The following XKR6 variants were observed in gnomAD, a reference collection of about 807,000 sequenced individuals.
XKR6 encodes the protein XK related 6, also known as XK-related protein 6.
In XKR6, 22 loss-of-function variants were observed where a neutral mutation model predicts 56.7. The ratio of observed to expected loss-of-function variants is 0.39; its 90% CI spans 0.28 to 0.55. The LOEUF is 0.55. XKR6 is among the 20% of genes least tolerant of loss of function. The pLI, the probability that XKR6 is intolerant of heterozygous loss-of-function variation, is 0.66. For synonymous variants in XKR6, 524 were observed against 387.8 expected (o/e 1.35, Z -4.13); for missense variants, 852 against 889.0 (o/e 0.96, Z 0.53).
intron 1 of XKR6, among the ~76,000 whole-genome samples, chr8:11,138,904 G>T (rs187743771): frequency 4.4e-4 from 66 of 149,026 alleles, no homozygotes; most frequent in African/African-American, 1.6e-3. Flanking sequence ...AGTTATCTGG[G>T]CCATTTCACC....
chr8:10,914,286 T>C, intron 2 of XKR6, among the ~76,000 whole-genome samples: 1 of 152,126 alleles, frequency 6.6e-6, no homozygotes, highest in Non-Finnish European at 1.5e-5. Context: ...TTTCGGAGCC[T>C]CTTCCTGAGT....
At chr8:10,916,679 T>C (rs992503068) in intron 2 of XKR6, among the ~76,000 whole-genome samples, 1 of 152,196 alleles carries the variant, frequency 6.6e-6, no homozygotes, top group South Asian at 2.1e-4. Flanking sequence ...GTGGAGCTGA[T>C]GCTTCATGTG....
chr8:10,995,665 G>A (rs1369953589), intron 1 of XKR6, among the ~76,000 whole-genome samples: 2 of 147,014 alleles, frequency 1.4e-5, no homozygotes, highest in Non-Finnish European at 3.0e-5. Context: ...TCCAGTCTGG[G>A]TGACAGAGTG....
Position 11,199,523 on chromosome 8 carries a change from T to C in XKR6, c.764+1053A>G, listed in dbSNP as rs1585047962. Among the ~76,000 whole-genome samples, 3 of 152,340 alleles carry C rather than the reference T, an allele frequency of 2.0e-5. No homozygotes were observed. The East Asian group carries it at 5.8e-4, about 29-fold the overall frequency. ...GCCATGCACTTGAAGAGCTTGTCCC[T>C]GTGTAATTTATCTTCAGTAAGATTT... On this transcript the variant is annotated intron_variant, in intron 1 of 2. Coordinates refer to ENST00000416569, the MANE Select transcript of XKR6 (RefSeq NM_173683.4).
chr8:11,148,694 T>A (rs1161701680), intron 1 of XKR6, among the ~76,000 whole-genome samples: 1 of 152,166 alleles, frequency 6.6e-6, no homozygotes, highest in Non-Finnish European at 1.5e-5. Context: ...CGAGGAGAAA[T>A]AAAAACATGT....
chr8:11,115,557 A>T (rs1799130362), intron 1 of XKR6, among the ~76,000 whole-genome samples: 2 of 152,240 alleles, frequency 1.3e-5, no homozygotes, highest in Admixed American at 6.5e-5. Context: ...CACTAACATT[A>T]TCGTTCAATG....
chr8:10,996,133 T>C (rs186565745), intron 1 of XKR6, among the ~76,000 whole-genome samples: 1 of 152,374 alleles, frequency 6.6e-6, no homozygotes, highest in Non-Finnish European at 1.5e-5. Context: ...ATACTTTTCT[T>C]CAGTAATCAT....
chr8:10,948,940 A>G (rs766540039), intron 1 of XKR6, among the ~76,000 whole-genome samples: 4 of 152,098 alleles, frequency 2.6e-5, no homozygotes, highest in Non-Finnish European at 5.9e-5. Flanking sequence ...TCTTCAGGTG[A>G]TCGTCAATTC....
intron 1 of XKR6, among the ~76,000 whole-genome samples, chr8:11,018,547 C>T (rs1037769495): frequency 2.0e-5 from 3 of 152,206 alleles, no homozygotes; most frequent in African/African-American, 7.2e-5. Flanking sequence ...GAGCTGAAAA[C>T]TACCAAAGAA....
intron 1 of XKR6, among the ~76,000 whole-genome samples, chr8:11,058,450 G>T (rs909180938): frequency 6.6e-6 from 1 of 152,192 alleles, no homozygotes; most frequent in Admixed American, 6.5e-5. Flanking sequence ...ATGCCCATCA[G>T]TGATAGACTG....
At chr8:10,949,124 T>G (rs531315235) in intron 1 of XKR6, among the ~76,000 whole-genome samples, 1 of 152,346 alleles carries the variant, frequency 6.6e-6, no homozygotes, top group African/African-American at 2.4e-5. Flanking sequence ...GAGCCCTGGC[T>G]GGAGGAGCCT....
At chr8:10,905,476 C>G in intron 2 of XKR6, among the ~76,000 whole-genome samples, 1 of 152,194 alleles carries the variant, frequency 6.6e-6, no homozygotes, top group East Asian at 1.9e-4. Context: ...GAGACCGAAA[C>G]AGCAGTGAAG....
intron 1 of XKR6, among the ~76,000 whole-genome samples, chr8:10,985,778 A>G (rs142500520): frequency 2.0e-5 from 3 of 152,322 alleles, no homozygotes; most frequent in Non-Finnish European, 4.4e-5. Flanking sequence ...TAGAAGCATG[A>G]GAACAGACTA....
chr8:11,119,128 T>C (rs375088013), intron 1 of XKR6, among the ~76,000 whole-genome samples: 2 of 152,084 alleles, frequency 1.3e-5, no homozygotes, highest in African/African-American at 4.8e-5. Context: ...TTTGAGTGAG[T>C]TTCTTAATCC....
At chr8:11,043,303 C>T (rs1016179265) in intron 1 of XKR6, among the ~76,000 whole-genome samples, 7 of 152,162 alleles carry the variant, frequency 4.6e-5, no homozygotes, top group African/African-American at 1.4e-4. Flanking sequence ...AGTGAGTCTC[C>T]CCTGCAGCAG....
At position 10,977,410 on chromosome 8, in the gene XKR6, G is replaced by A. The variant is rs145617140; in HGVS notation, c.765-52580C>T. On this transcript the variant is annotated intron_variant, in intron 1 of 2. Transcript: ENST00000416569. ...ACCCCCTGCACAGGTTAAGAGATGA[G>A]ACTCTCTAATAAGCCAAGCAGTCAG... Among the ~76,000 whole-genome samples, 40 of 151,974 alleles carry A rather than the reference G, an allele frequency of 2.6e-4. No homozygotes were observed. The East Asian group carries it at 6.4e-3, about 24-fold the overall frequency.
chr8:11,171,868 C>G (rs189705040), intron 1 of XKR6, among the ~76,000 whole-genome samples: 1 of 151,532 alleles, frequency 6.6e-6, no homozygotes, highest in Non-Finnish European at 1.5e-5. Flanking sequence ...GCATGGCAAA[C>G]ATGGTGAAAC....
chr8:11,026,282 T>C (rs1798860283), intron 1 of XKR6, among the ~76,000 whole-genome samples: 1 of 150,232 alleles, frequency 6.7e-6, no homozygotes, highest in African/African-American at 2.5e-5. Flanking sequence ...TGTTGCCTAC[T>C]ACACACCTAG....
chr8:10,988,863 G>A (rs1797924002), intron 1 of XKR6, among the ~76,000 whole-genome samples: 1 of 152,232 alleles, frequency 6.6e-6, no homozygotes, highest in Non-Finnish European at 1.5e-5. Flanking sequence ...TTAAGGTGCA[G>A]ATTCCCTTTG....
Sources: gnomAD v4.1 joint callset for allele counts (sites outside exome capture counted in the v4.1 genomes callset) on GRCh38, gnomAD v4.1.1 for gene constraint, MANE v1.5 for transcripts, NCBI Gene and HGNC (gene_info 2026-07-23, HGNC 2026-07-21) for gene names.